The following PCBP3 variants were observed in gnomAD, a reference collection of about 807,000 sequenced individuals.
PCBP3 encodes poly(rC) binding protein 3.
PCBP3 carries 25 observed loss-of-function variants against 52.7 expected under a neutral mutation model. The observed-to-expected ratio is 0.47, with a 90% confidence interval of 0.35 to 0.66. PCBP3 has a LOEUF of 0.66. Among genes scored for constraint, PCBP3 ranks in the 30% least tolerant of loss-of-function variants. The probability of loss-of-function intolerance (pLI) is 0.01; values close to 1 mark genes in which losing one functional copy is unlikely to be tolerated. For synonymous variants in PCBP3, 162 were observed against 183.0 expected (o/e 0.89, Z 0.93); for missense variants, 391 against 490.3 (o/e 0.80, Z 1.91).
chr21:45,849,975 C>T lies in PCBP3; in HGVS notation c.-111C>T, dbSNP rs984636427. 7.8e-5 allele frequency: 83 copies of T among 1,057,592 alleles called. No individual in the cohort carries two copies. Among genetic ancestry groups the T allele is most frequent in the South Asian group, 1.6e-4 (12 of 73,808 alleles). The allele number at this position is 1,057,592 out of a possible 1,614,324, so 65.5% of individuals were successfully genotyped here. ...TTGTGTTTTAGGTCGGTAGGCTCCA[C>T]GACAAAAGTCAACCCTTCTGTAAAT... On this transcript the variant is annotated 5_prime_UTR_variant, in exon 5 of 18. In the 5' UTR this introduces an upstream ATG that the reference lacks. Transcript: ENST00000681687.
chr21:45,839,380 C>G (rs1035771383), intron 4 of PCBP3, among the ~76,000 whole-genome samples: 1 of 152,190 alleles, frequency 6.6e-6, no homozygotes, highest in Admixed American at 6.5e-5. Flanking sequence ...AGTCCTAGTT[C>G]AGTAGTTAAA....
intron 2 of PCBP3, among the ~76,000 whole-genome samples, chr21:45,721,139 G>T (rs918405797): frequency 6.6e-6 from 1 of 152,226 alleles, no homozygotes; most frequent in Non-Finnish European, 1.5e-5. Context: ...GAGGCCAGGT[G>T]CAGTGGCTCA....
intron 4 of PCBP3, among the ~76,000 whole-genome samples, chr21:45,833,198 C>CGCG (rs1320349707): frequency 7.9e-5 from 12 of 152,318 alleles, no homozygotes; most frequent in Admixed American, 6.5e-4. Context: ...ACCCCCACCT[C>CGCG]GCGGTTATTA....
At chr21:45,708,326 G>A (rs1274294299) in intron 2 of PCBP3, among the ~76,000 whole-genome samples, 1 of 152,156 alleles carries the variant, frequency 6.6e-6, no homozygotes, top group Non-Finnish European at 1.5e-5. Flanking sequence ...AGGAGGGTCA[G>A]AATCTGCATT....
chr21:45,779,957 A>G (rs2049183578), intron 4 of PCBP3, among the ~76,000 whole-genome samples: 1 of 152,246 alleles, frequency 6.6e-6, no homozygotes, highest in Non-Finnish European at 1.5e-5. Flanking sequence ...AAGTCTGGAA[A>G]TAGGCCTGCA....
intron 14 of PCBP3, among the ~76,000 whole-genome samples, 172 bp from the exon 15 acceptor site, chr21:45,930,614 C>A (rs1039450244): frequency 6.6e-6 from 1 of 152,168 alleles, no homozygotes; most frequent in South Asian, 2.1e-4. Flanking sequence ...CTCCCCCTGG[C>A]GTGCCTGGCA....
rs551478223 is a variant in PCBP3, at chr21:45,904,987, T to A, written c.339+3874T>A. Among the ~76,000 whole-genome samples the A allele has an allele frequency of 2.0e-5, 3 of 152,348 alleles. No homozygotes were observed. The East Asian group carries it at 5.8e-4, about 29-fold the overall frequency. On this transcript the variant is annotated intron_variant, in intron 9 of 17. Transcript: ENST00000681687. The surrounding 1 kb of genome is among the most constrained non-coding windows in gnomAD (Gnocchi z 4.8). ...GTCTACAGCATGATGAGTAGTTTCA[T>A]GGATTGACTTAGCGAATATCTGTTT...
In PCBP3 at chr21:45,930,068, C is replaced by T. The variant is rs767751119; in HGVS notation, c.796+73C>T. 191 of 993,952 alleles carry T rather than the reference C, an allele frequency of 1.9e-4. No homozygotes were observed. The Middle Eastern group carries it at 3.1e-3, about 16-fold the overall frequency. The allele number at this position is 993,952 out of a possible 1,614,324, so 61.6% of individuals were successfully genotyped here. On this transcript the variant is annotated intron_variant, in intron 14 of 17. Coordinates refer to ENST00000681687, the MANE Select transcript of PCBP3 (RefSeq NM_001384156.1). ...CTTTCTCTTTCTGAGCTGTGTTATT[C>T]GGTGCAGTGCATAGAACAGGTGCAG...
intron 4 of PCBP3, among the ~76,000 whole-genome samples, chr21:45,846,843 G>A (rs1262854054): frequency 1.3e-5 from 2 of 152,200 alleles, no homozygotes; most frequent in Admixed American, 6.5e-5. Flanking sequence ...CTGGCCTCAC[G>A]TGCTTCTGCT....
intron 12 of PCBP3, 36 bp downstream of exon 12, chr21:45,914,061 C>T: frequency 6.2e-7 from 1 of 1,612,654 alleles, no homozygotes; most frequent in Non-Finnish European, 8.5e-7. Flanking sequence ...CCACTGCCAA[C>T]CTCAGCCTTT....
chr21:45,786,779 C>T (rs2091195567), intron 4 of PCBP3, among the ~76,000 whole-genome samples: 1 of 152,220 alleles, frequency 6.6e-6, no homozygotes, highest in Non-Finnish European at 1.5e-5. Flanking sequence ...GGTGCCTGCA[C>T]AGCAGGAATG....
Position 45,697,664 on chromosome 21 carries a change from G to A in PCBP3, c.-200+28712G>A, listed in dbSNP as rs545372034. ...GAAGGCTGAGATGGGAGGATTGCTCGAGCCTGGCCGGTGAAGGCTGCAGTG... is the reference window on the plus strand; with the variant it reads ...GAAGGCTGAGATGGGAGGATTGCTCAAGCCTGGCCGGTGAAGGCTGCAGTG... On this transcript the variant is annotated intron_variant, in intron 2 of 17. Coordinates refer to ENST00000681687, the MANE Select transcript of PCBP3 (RefSeq NM_001384156.1). Among the ~76,000 whole-genome samples the A allele has an allele frequency of 4.6e-5, 7 of 151,672 alleles. No individual in the cohort carries two copies. The South Asian group carries it at 1.3e-3, about 27-fold the overall frequency.
At chr21:45,923,486 G>T (rs565486055) in intron 13 of PCBP3, among the ~76,000 whole-genome samples, 12 of 152,354 alleles carry the variant, frequency 7.9e-5, no homozygotes, top group Non-Finnish European at 1.8e-4. Context: ...ACCCTCTGCA[G>T]GGCCCCAGTG....
chr21:45,745,981 C>T (rs1027621593), intron 3 of PCBP3, among the ~76,000 whole-genome samples: 7 of 145,384 alleles, frequency 4.8e-5, no homozygotes, highest in East Asian at 2.1e-4. Flanking sequence ...AGTCCATTGA[C>T]GTAGCGCACA....
chr21:45,932,022 C>T (rs61141981), intron 15 of PCBP3, among the ~76,000 whole-genome samples: 28 of 144,016 alleles, frequency 1.9e-4, no homozygotes, highest in South Asian at 1.4e-3. Context: ...TCGGCCGTGC[C>T]GTCCTGAGAT....
intron 2 of PCBP3, among the ~76,000 whole-genome samples, chr21:45,725,517 C>T (rs1028884790): frequency 6.6e-6 from 1 of 152,216 alleles, no homozygotes; most frequent in African/African-American, 2.4e-5. Context: ...ACTGTGGGGG[C>T]AGTGCCTGCC....
intron 2 of PCBP3, among the ~76,000 whole-genome samples, chr21:45,721,007 T>G (rs1569150377): frequency 1.3e-5 from 2 of 152,272 alleles, no homozygotes; most frequent in Admixed American, 6.5e-5. Flanking sequence ...CCCAGATGTT[T>G]GAAGGTACCT....
chr21:45,906,545 T>C (rs2096212076), intron 9 of PCBP3, among the ~76,000 whole-genome samples: 1 of 152,178 alleles, frequency 6.6e-6, no homozygotes, highest in Non-Finnish European at 1.5e-5. Context: ...GGTCATGTTT[T>C]GGTGGAACCT....
At chr21:45,784,833 T>C (rs1310852341) in intron 4 of PCBP3, among the ~76,000 whole-genome samples, 1 of 152,186 alleles carries the variant, frequency 6.6e-6, no homozygotes, top group Non-Finnish European at 1.5e-5. Flanking sequence ...CCCAGCAGCC[T>C]GCCTTGGCCT....
Sources: allele counts gnomAD v4.1 joint callset (sites outside exome capture counted in the v4.1 genomes callset), GRCh38; gene constraint gnomAD v4.1.1; non-coding constraint Gnocchi (gnomAD v3.1); transcripts MANE v1.5; gene names NCBI Gene and HGNC (gene_info 2026-07-23, HGNC 2026-07-21).